Variants in ATP1B1 observed in about 807,000 individuals in gnomAD.
ATP1B1 encodes the protein ATPase Na+/K+ transporting subunit beta 1, also known as sodium/potassium-transporting ATPase subunit beta-1.
A neutral mutation model predicts 39.6 loss-of-function variants in ATP1B1; 3 were observed. The ratio of observed to expected loss-of-function variants is 0.08; its 90% CI spans 0.03 to 0.20. The LOEUF (loss-of-function observed/expected upper bound fraction) is 0.20, where lower values mean the gene tolerates loss of function less well. ATP1B1 is among the 10% of genes least tolerant of loss of function. ATP1B1 has a pLI of 1.00. For missense variants in ATP1B1, 216 were observed against 371.1 expected (o/e 0.58, Z 3.43); for synonymous variants, 139 against 135.0 (o/e 1.03, Z -0.20).
At chr1:169,111,306 A>G (rs1657725193) in intron 1 of ATP1B1, 64 bp from the exon 2 acceptor site, 1 of 1,594,578 alleles carries the variant, frequency 6.3e-7, no homozygotes, top group African/African-American at 1.3e-5. Context: ...ATCCGTGGGA[A>G]GATTAAACTT....
intron 3 of ATP1B1, 63 bp from the exon 4 acceptor site, chr1:169,127,161 C>G (rs1658104793): frequency 1.4e-6 from 2 of 1,481,204 alleles, no homozygotes; most frequent in Non-Finnish European, 1.8e-6. Context: ...AAGACAGTTT[C>G]TTTTTCTTAG....
intron 5 of ATP1B1, 61 bp downstream of exon 5, chr1:169,130,151 T>A: frequency 7.2e-7 from 1 of 1,388,604 alleles, no homozygotes; most frequent in Non-Finnish European, 1.0e-6. Flanking sequence ...GAGGGGAGAA[T>A]GAAGAAGACT....
chr1:169,117,859 A>T (rs1003801947), intron 2 of ATP1B1, among the ~76,000 whole-genome samples: 4 of 152,258 alleles, frequency 2.6e-5, no homozygotes, highest in Non-Finnish European at 2.9e-5. Context: ...ACATACATGC[A>T]TGAGTAGATC....
At position 169,131,347 on chromosome 1, in the gene ATP1B1, C is replaced by T. The variant is rs1453399519; in HGVS notation, c.704C>T (p.Ser235Phe). Residue 235 changes from serine to phenylalanine, a missense_variant, in exon 6 of 6, where the codon TCC (serine) becomes TTC (phenylalanine). Physicochemically the swap from Ser to Phe is radical, Grantham distance 155. Transcript: ENST00000367815. This position sits in a 1 kb window ranked among gnomAD's most constrained non-coding sequence, Gnocchi z 4.4. ...GTGGAGTATTTTGGACTGGGCAACT[C>T]CCCTGGTTTTCCTCTGCAGTATTAT... Reference protein sequence around the residue: ...GNVEYFGLGNSPGFPLQYYPY... With the variant: ...GNVEYFGLGNFPGFPLQYYPY... 6.2e-7 allele frequency: 1 copy of T among 1,613,992 alleles called. No individual in the cohort carries two copies. Among genetic ancestry groups the T allele is most frequent in the African/African-American group, 1.3e-5 (1 of 74,880 alleles).
At chr1:169,107,541 T>A (rs144950380) in intron 1 of ATP1B1, among the ~76,000 whole-genome samples, 32 of 152,192 alleles carry the variant, frequency 2.1e-4, no homozygotes, top group African/African-American at 7.5e-4. Flanking sequence ...AGGACTCCGA[T>A]TCTTAGCTTT....
chr1:169,130,886 A>G (rs1401408757), intron 5 of ATP1B1, among the ~76,000 whole-genome samples: 1 of 152,122 alleles, frequency 6.6e-6, no homozygotes, highest in Non-Finnish European at 1.5e-5. Flanking sequence ...GAAAGGCAGA[A>G]CAAAGAAAGG....
intron 3 of ATP1B1, among the ~76,000 whole-genome samples, chr1:169,126,073 GTT>G (rs879334061): frequency 0.3 from 45,264 of 152,038 alleles, 7,777 homozygotes; most frequent in Non-Finnish European, 0.4. Context: ...ACCAACTCCA[GTT>G]CTTTATAAGG....
intron 1 of ATP1B1, among the ~76,000 whole-genome samples, chr1:169,109,219 A>G (rs1657675531): frequency 6.6e-6 from 1 of 152,150 alleles, no homozygotes; most frequent in South Asian, 2.1e-4. Context: ...AAGGGTACAC[A>G]CTGTTTGTTT....
At chr1:169,117,925 G>T (rs892760322) in intron 2 of ATP1B1, among the ~76,000 whole-genome samples, 1 of 152,196 alleles carries the variant, frequency 6.6e-6, no homozygotes, top group African/African-American at 2.4e-5. Flanking sequence ...CTTAACAAAT[G>T]TTATGTTTTA....
At chr1:169,125,309 CA>C (rs1190406619) in intron 3 of ATP1B1, among the ~76,000 whole-genome samples, 1 of 149,168 alleles carries the variant, frequency 6.7e-6, no homozygotes, top group Non-Finnish European at 1.5e-5. Context: ...GCCAAGACAG[CA>C]ATTCCGGTTT....
chr1:169,129,777 A>T (rs1426865808), intron 4 of ATP1B1, among the ~76,000 whole-genome samples: 1 of 152,238 alleles, frequency 6.6e-6, no homozygotes, highest in East Asian at 1.9e-4. Flanking sequence ...TTTGCATCAC[A>T]GCTTAATTGT....
At chr1:169,129,965 A>G (rs745671678) in intron 4 of ATP1B1, 45 bp from the exon 5 acceptor site, 41 of 1,587,324 alleles carry the variant, frequency 2.6e-5, no homozygotes, top group Non-Finnish European at 3.5e-5. Flanking sequence ...CAGAAACTTA[A>G]GAAATCATTT....
intron 3 of ATP1B1, among the ~76,000 whole-genome samples, chr1:169,126,661 T>C (rs967245669): frequency 6.6e-6 from 1 of 152,150 alleles, no homozygotes; most frequent in African/African-American, 2.4e-5. Flanking sequence ...CAGTGGGCCA[T>C]GATCATGCTG....
intron 2 of ATP1B1, among the ~76,000 whole-genome samples, chr1:169,111,784 G>T (rs1657736155): frequency 6.6e-6 from 1 of 152,286 alleles, no homozygotes; most frequent in Admixed American, 6.5e-5. Context: ...TGAACAGATT[G>T]AGTTCTGATG....
chr1:169,131,439 C>G lies in ATP1B1; in HGVS notation c.796C>G (p.Leu266Val). Reference sequence around the variant, plus strand: ...CCTGCTGGCCGTACAGTTCACCAATCTTACCATGGACACTGAAATTCGCAT... The same window carrying G: ...CCTGCTGGCCGTACAGTTCACCAATGTTACCATGGACACTGAAATTCGCAT... Reference protein sequence around the residue: ...QPLLAVQFTNLTMDTEIRIEC... With the variant: ...QPLLAVQFTNVTMDTEIRIEC... Residue 266 changes from leucine to valine, a missense_variant, in exon 6 of 6, where the codon CTT becomes GTT. Coordinates refer to ENST00000367815, the MANE Select transcript of ATP1B1 (RefSeq NM_001677.4). The surrounding 1 kb of genome is among the most constrained non-coding windows in gnomAD (Gnocchi z 4.4). The G allele has an allele frequency of 6.2e-7, 1 of 1,614,174 alleles. No individual in the cohort carries two copies. The highest frequency in any genetic ancestry group is 1.1e-5 in the South Asian group (1 of 91,086).
At chr1:169,119,041 A>G (rs1221755274) in intron 2 of ATP1B1, among the ~76,000 whole-genome samples, 1 of 152,202 alleles carries the variant, frequency 6.6e-6, no homozygotes, top group Non-Finnish European at 1.5e-5. Flanking sequence ...TAAAGAAACA[A>G]AATCCTTTCC....
chr1:169,120,061 C>T (rs1049830312), intron 2 of ATP1B1, among the ~76,000 whole-genome samples: 2 of 151,962 alleles, frequency 1.3e-5, no homozygotes, highest in Non-Finnish European at 2.9e-5. Flanking sequence ...AGAACAGACC[C>T]GGGGGCTGAT....
In ATP1B1 at chr1:169,131,762, A is replaced by G; in HGVS notation, c.*207A>G. 1 of 644,088 alleles carries G rather than the reference A, an allele frequency of 1.6e-6. No homozygotes were observed. 39.9% of individuals were successfully genotyped at this position (644,088 alleles called of 1,614,324 possible). On this transcript the variant is annotated 3_prime_UTR_variant, in exon 6 of 6. Transcript: ENST00000367815. The surrounding 1 kb of genome is among the most constrained non-coding windows in gnomAD (Gnocchi z 4.4). ...AAATATTTATTCTACTGTAAATGAC[A>G]AAAGAAAAAGAAAAATTGAGCCTTG... is the stretch of plus-strand genomic sequence containing the variant.
chr1:169,110,835 C>T, intron 1 of ATP1B1: 3 of 476,690 alleles, frequency 6.3e-6, no homozygotes, highest in South Asian at 2.2e-5. Context: ...GATATCATCA[C>T]TGGGTTTCTC....
Sources: gnomAD v4.1 joint callset for allele counts (sites outside exome capture counted in the v4.1 genomes callset) on GRCh38, gnomAD v4.1.1 for gene constraint, Gnocchi (gnomAD v3.1) non-coding constraint, MANE v1.5 for transcripts, NCBI Gene and HGNC (gene_info 2026-07-23, HGNC 2026-07-21) for gene names.